Variants in HYCC1 observed in about 807,000 individuals in gnomAD.
The protein encoded by HYCC1 is hyccin.
the HYCC1 span, among the ~76,000 whole-genome samples, chr7:23,004,492 G>A: frequency 1.3e-5 from 2 of 152,116 alleles, no homozygotes; most frequent in Non-Finnish European, 2.9e-5. Flanking sequence ...TCCATGAAGA[G>A]GCTGGCCTTT....
the HYCC1 span, among the ~76,000 whole-genome samples, chr7:22,995,271 G>A: frequency 7.9e-5 from 12 of 151,916 alleles, no homozygotes; most frequent in South Asian, 2.1e-4. Flanking sequence ...TGCCCTGCTC[G>A]GTCCCTCCCC....
the HYCC1 span, among the ~76,000 whole-genome samples, chr7:22,899,502 T>A: frequency 6.6e-6 from 1 of 152,198 alleles, no homozygotes; most frequent in African/African-American, 2.4e-5. Context: ...AAGTTGCTAA[T>A]GAGGCAGAAA....
the HYCC1 span, among the ~76,000 whole-genome samples, chr7:22,930,560 A>G: frequency 6.6e-6 from 1 of 152,102 alleles, no homozygotes; most frequent in South Asian, 2.1e-4. Flanking sequence ...AGAATAATTC[A>G]TAACAATACC....
chr7:22,935,440 C>G, the HYCC1 span: 2 of 152,304 alleles, frequency 1.3e-5, no homozygotes, highest in Admixed American at 1.3e-4. Flanking sequence ...TTCACTCTTA[C>G]TCCTATGGTG....
chr7:22,953,495 T>A, the HYCC1 span, among the ~76,000 whole-genome samples: 1 of 151,996 alleles, frequency 6.6e-6, no homozygotes. Context: ...GAAAATTTTT[T>A]AACTTCATTT....
the HYCC1 span, among the ~76,000 whole-genome samples, chr7:23,012,578 C>T: frequency 1.3e-5 from 2 of 152,142 alleles, no homozygotes; most frequent in African/African-American, 4.8e-5. Flanking sequence ...ACTTTGAAGC[C>T]ACTATTGGCC....
the HYCC1 span, among the ~76,000 whole-genome samples, chr7:22,948,018 GA>G: frequency 6.6e-6 from 1 of 151,986 alleles, no homozygotes; most frequent in Non-Finnish European, 1.5e-5. Flanking sequence ...CCCTTTATCT[GA>G]AAACAGCCAT....
the HYCC1 span, chr7:22,976,851 G>T: frequency 8.7e-7 from 1 of 1,155,192 alleles, no homozygotes; most frequent in Non-Finnish European, 1.3e-6. Flanking sequence ...AAGCTATTCT[G>T]CTGAAAAGGT....
At chr7:23,012,220 T>C in the HYCC1 span, among the ~76,000 whole-genome samples, 2 of 152,172 alleles carry the variant, frequency 1.3e-5, no homozygotes, top group African/African-American at 4.8e-5. Flanking sequence ...ATAAAATAAA[T>C]ATTAGGCAAC....
chr7:22,965,728 G>A, the HYCC1 span, among the ~76,000 whole-genome samples: 3 of 152,054 alleles, frequency 2.0e-5, no homozygotes, highest in African/African-American at 4.8e-5. Flanking sequence ...CTGGGTTCCA[G>A]CAATCCTCCC....
chr7:22,914,356 C>A, the HYCC1 span, among the ~76,000 whole-genome samples: 1 of 152,234 alleles, frequency 6.6e-6, no homozygotes, highest in Non-Finnish European at 1.5e-5. Flanking sequence ...TTTCTCTGGG[C>A]TTGCCTCCTT....
At chr7:22,910,459 G>A in the HYCC1 span, among the ~76,000 whole-genome samples, 1 of 152,196 alleles carries the variant, frequency 6.6e-6, no homozygotes, top group African/African-American at 2.4e-5. Flanking sequence ...AGAATCGGAA[G>A]CCAAATAAAC....
chr7:23,001,407 C>T, the HYCC1 span, among the ~76,000 whole-genome samples: 1 of 152,164 alleles, frequency 6.6e-6, no homozygotes, highest in Non-Finnish European at 1.5e-5. Flanking sequence ...CAATCCCTAC[C>T]CATGGCACCT....
At chr7:22,908,610 C>T in the HYCC1 span, among the ~76,000 whole-genome samples, 1 of 152,174 alleles carries the variant, frequency 6.6e-6, no homozygotes, top group Non-Finnish European at 1.5e-5. Flanking sequence ...CCATCTGACC[C>T]TGAACACCTT....
At chr7:22,902,067 T>C in the HYCC1 span, among the ~76,000 whole-genome samples, 2 of 152,090 alleles carry the variant, frequency 1.3e-5, no homozygotes, top group African/African-American at 4.8e-5. Flanking sequence ...ATTGATAGCA[T>C]GTAGAGCATA....
At chr7:22,947,218 C>G in the HYCC1 span, 1 of 1,549,698 alleles carries the variant, frequency 6.5e-7, no homozygotes, top group Middle Eastern at 1.7e-4. Context: ...ATGCCCAATT[C>G]AGTAGCATCA....
At chr7:22,909,780 A>T in the HYCC1 span, among the ~76,000 whole-genome samples, 1 of 152,066 alleles carries the variant, frequency 6.6e-6, no homozygotes, top group African/African-American at 2.4e-5. Flanking sequence ...CTGTTCTTTT[A>T]TGTAGGTATT....
At chr7:22,978,316 G>T in the HYCC1 span, 1 of 1,614,072 alleles carries the variant, frequency 6.2e-7, no homozygotes. Flanking sequence ...CCACTGCTAT[G>T]CACATTTCTG....
At chr7:22,951,099 C>T in the HYCC1 span, among the ~76,000 whole-genome samples, 1 of 151,576 alleles carries the variant, frequency 6.6e-6, no homozygotes, top group Non-Finnish European at 1.5e-5. Context: ...ATAATTTTGC[C>T]CAAAAAAATT....
Sources: allele counts gnomAD v4.1 joint callset (sites outside exome capture counted in the v4.1 genomes callset), GRCh38; gene constraint gnomAD v4.1.1; transcripts MANE v1.5; gene names NCBI Gene and HGNC (gene_info 2026-07-23, HGNC 2026-07-21).